DLG2: variants seen among roughly 807,000 people sequenced by gnomAD.
DLG2 encodes discs large MAGUK scaffold protein 2.
Under a neutral mutation model 132.5 loss-of-function variants are expected in DLG2, and 45 were observed. The observed-to-expected ratio is 0.34, with a 90% CI of 0.27 to 0.44. The LOEUF (loss-of-function observed/expected upper bound fraction) is 0.44. Among genes scored for constraint, DLG2 ranks in the 20% least tolerant of loss-of-function variants. The pLI is 1.00. For missense variants in DLG2, 1,045 were observed against 1,196.9 expected (o/e 0.87, Z 1.87); for synonymous variants, 424 against 419.6 (o/e 1.01, Z -0.13).
chr11:84,140,479 A>G (rs1057145606), intron 9 of DLG2, among the ~76,000 whole-genome samples: 10 of 152,160 alleles, frequency 6.6e-5, no homozygotes, highest in Admixed American at 2.6e-4. Flanking sequence ...TTTTTATGAG[A>G]AAAATGTCTA....
intron 7 of DLG2, among the ~76,000 whole-genome samples, chr11:84,381,025 T>C (rs1024103439): frequency 1.4e-4 from 21 of 151,910 alleles, no homozygotes; most frequent in African/African-American, 4.3e-4. Context: ...GTAAAAATAA[T>C]ATTAGGAATG....
intron 17 of DLG2, among the ~76,000 whole-genome samples, chr11:83,826,491 G>A (rs1186045363): frequency 6.6e-6 from 1 of 152,178 alleles, no homozygotes; most frequent in Non-Finnish European, 1.5e-5. Flanking sequence ...AGAAATGACT[G>A]AAGAGTCAAT....
At chr11:84,127,006 G>A (rs540965353) in intron 9 of DLG2, among the ~76,000 whole-genome samples, 1 of 152,278 alleles carries the variant, frequency 6.6e-6, no homozygotes, top group African/African-American at 2.4e-5. Context: ...AATCTAGAGA[G>A]CAGCTTGAAA....
chr11:84,447,036 A>T (rs2099037207), intron 7 of DLG2, among the ~76,000 whole-genome samples: 1 of 152,206 alleles, frequency 6.6e-6, no homozygotes, highest in Non-Finnish European at 1.5e-5. Context: ...TGGTAACAAC[A>T]TGTATAAGAT....
At chr11:85,102,786 A>G (rs994718276) in intron 6 of DLG2, among the ~76,000 whole-genome samples, 7 of 151,952 alleles carry the variant, frequency 4.6e-5, no homozygotes, top group Non-Finnish European at 8.8e-5. Flanking sequence ...CAATTGGGCA[A>G]GAAAATTAAA....
intron 25 of DLG2, 29 bp from the exon 26 acceptor site, chr11:83,466,846 T>C (rs1403262210): frequency 6.8e-7 from 1 of 1,474,384 alleles, no homozygotes; most frequent in African/African-American, 1.4e-5. Flanking sequence ...AAATATGAAG[T>C]TAATATAGGA....
chr11:84,432,862 A>C (rs537682702), intron 7 of DLG2, among the ~76,000 whole-genome samples: 2 of 152,158 alleles, frequency 1.3e-5, no homozygotes, highest in South Asian at 4.2e-4. Flanking sequence ...ATCTCTACTA[A>C]AAACGCAAAA....
intron 6 of DLG2, among the ~76,000 whole-genome samples, chr11:84,812,957 G>T (rs2076721912): frequency 1.3e-5 from 2 of 152,102 alleles, no homozygotes; most frequent in Middle Eastern, 3.4e-3. Context: ...GGAACCAAAC[G>T]GAGCTGAAAT....
At chr11:84,918,353 C>G (rs2092592244) in intron 6 of DLG2, among the ~76,000 whole-genome samples, 1 of 151,968 alleles carries the variant, frequency 6.6e-6, no homozygotes, top group African/African-American at 2.4e-5. Flanking sequence ...CTCACTAAGT[C>G]AAAGGAGAGA....
chr11:84,949,564 C>G (rs374493297), intron 6 of DLG2, among the ~76,000 whole-genome samples: 1 of 152,064 alleles, frequency 6.6e-6, no homozygotes, highest in Admixed American at 6.5e-5. Context: ...CCCCTAGGTG[C>G]GCATTCTCTT....
intron 18 of DLG2, among the ~76,000 whole-genome samples, chr11:83,690,690 G>C (rs544696063): frequency 1.3e-5 from 2 of 150,374 alleles, no homozygotes; most frequent in South Asian, 2.1e-4. Context: ...GTGGGGGTGG[G>C]GGGGGTGTCT....
At chr11:84,941,972 A>G (rs1404706768) in intron 6 of DLG2, among the ~76,000 whole-genome samples, 1 of 152,064 alleles carries the variant, frequency 6.6e-6, no homozygotes, top group Non-Finnish European at 1.5e-5. Context: ...TCCATGGTTC[A>G]ATCTGGATAG....
chr11:85,110,144 A>T (rs2072469939), intron 6 of DLG2, among the ~76,000 whole-genome samples: 1 of 152,118 alleles, frequency 6.6e-6, no homozygotes, highest in Non-Finnish European at 1.5e-5. Context: ...CAGGGATACA[A>T]TAAAAGAAGT....
chr11:83,786,773 C>T lies in DLG2; in HGVS notation c.1742G>A (p.Arg581His), dbSNP rs372670410. The T allele has an allele frequency of 4.0e-5, 64 of 1,613,958 alleles. No homozygotes were observed. Among genetic ancestry groups the T allele is most frequent in the Middle Eastern group, 1.6e-4 (1 of 6,084 alleles). The change falls in exon 18 of 28, where the codon CGT (arginine) becomes CAT (histidine). Residue 581 changes from arginine to histidine, a missense_variant. Arg to His is a conservative substitution (Grantham distance 29). Transcript: ENST00000376104. Reference protein sequence around the residue: ...QILSVNGIDLRGASHEQAAAA... With the variant: ...QILSVNGIDLHGASHEQAAAA... ...AGCTGCCTGCTCGTGGGATGCACCA[C>T]GGAGGTCAATGCCATTCACCTGAAA...
At chr11:84,853,360 T>C (rs2082378788) in intron 6 of DLG2, among the ~76,000 whole-genome samples, 1 of 151,928 alleles carries the variant, frequency 6.6e-6, no homozygotes, top group Non-Finnish European at 1.5e-5. Context: ...ATAATATTAC[T>C]CACTGGGGAA....
chr11:85,056,383 A>G (rs1023887342), intron 6 of DLG2, among the ~76,000 whole-genome samples: 4 of 152,140 alleles, frequency 2.6e-5, no homozygotes, highest in Admixed American at 1.3e-4. Context: ...TCAGAATTCA[A>G]TAGGGGAATT....
chr11:85,250,521 A>G lies in DLG2; in HGVS notation c.186+34699T>C, dbSNP rs528355142. 1.2e-4 allele frequency among the ~76,000 whole-genome samples: 19 copies of G among 152,250 alleles called. No homozygotes were observed. In the South Asian group the frequency reaches 3.7e-3, roughly 30 times the overall value. ...TAACACAGTATAAATTTACTACCCA[A>G]TTTTTTAGTGGGAAAGGCTCTCATG... is the stretch of plus-strand genomic sequence containing the variant. On this transcript the variant is annotated intron_variant, in intron 4 of 27. Coordinates refer to ENST00000376104, the MANE Select transcript of DLG2 (RefSeq NM_001142699.3).
chr11:85,132,741 C>CA (rs1270204404), intron 5 of DLG2: 10 of 456,580 alleles, frequency 2.2e-5, no homozygotes, highest in Non-Finnish European at 4.0e-5. Context: ...ATGCTGCACA[C>CA]AATAACAGCC....
intron 6 of DLG2, among the ~76,000 whole-genome samples, chr11:84,998,747 T>C (rs995751176): frequency 1.3e-5 from 2 of 149,334 alleles, no homozygotes; most frequent in African/African-American, 5.1e-5. Context: ...CATAAGCGGA[T>C]TTTTTTTTGT....
Sources: allele counts gnomAD v4.1 joint callset (sites outside exome capture counted in the v4.1 genomes callset), GRCh38; gene constraint gnomAD v4.1.1; transcripts MANE v1.5; gene names NCBI Gene and HGNC (gene_info 2026-07-23, HGNC 2026-07-21).